PRSS37: variants seen among roughly 807,000 people sequenced by gnomAD.
PRSS37 encodes serine protease 37.
PRSS37 carries 25 observed loss-of-function variants against 28.0 expected under a neutral mutation model. The ratio of observed to expected loss-of-function variants is 0.89; its 90% CI spans 0.65 to 1.25. The LOEUF (loss-of-function observed/expected upper bound fraction) is 1.25, where lower values mean the gene tolerates loss of function less well. Among genes scored for constraint, PRSS37 ranks in the 50% most tolerant of loss-of-function variants. The pLI, the probability that PRSS37 is intolerant of heterozygous loss-of-function variation, is 0.00. For missense variants in PRSS37, 282 were observed against 292.2 expected, an observed-to-expected ratio of 0.97 and a Z score of 0.25; for synonymous variants, 109 against 107.8, an observed-to-expected ratio of 1.01 and a Z score of -0.07.
At chr7:141,840,771 ACACT>A (rs1333766570) in intron 1 of PRSS37, among the ~76,000 whole-genome samples, 1 of 152,026 alleles carries the variant, frequency 6.6e-6, no homozygotes, top group Non-Finnish European at 1.5e-5. Context: ...CGGTGGGAGG[ACACT>A]CACTGTTAAG....
intron 1 of PRSS37, among the ~76,000 whole-genome samples, chr7:141,840,061 G>T (rs1026972197): frequency 1.3e-5 from 2 of 152,022 alleles, no homozygotes; most frequent in Non-Finnish European, 2.9e-5. Flanking sequence ...GAAAATTGTG[G>T]ATATAATCTA....
In PRSS37 at chr7:141,838,120, GGA is replaced by G; in HGVS notation, c.177-9_177-8del. 4 of 1,611,918 alleles carry G rather than the reference GGA, an allele frequency of 2.5e-6. No individual in the cohort carries two copies. In the South Asian group the frequency reaches 4.4e-5, roughly 18 times the overall value. On this transcript the variant is annotated splice_region_variant and splice_polypyrimidine_tract_variant and intron_variant, in intron 2 of 4. Coordinates refer to ENST00000350549, the MANE Select transcript of PRSS37 (RefSeq NM_001008270.3). ...CAGCATCACTTTCAGATTTCTGGAG[GGA>G]GAGGGGTTGGAAGTAATCATCATCA...
intron 3 of PRSS37, 135 bp from the exon 4 acceptor site, chr7:141,837,383 A>G (rs1800997930): frequency 2.5e-6 from 3 of 1,183,954 alleles, no homozygotes; most frequent in Admixed American, 2.8e-5. Flanking sequence ...AAAGGAGAGA[A>G]ATCATCAAGA....
chr7:141,840,864 C>G lies in PRSS37; in HGVS notation c.34+152G>C, dbSNP rs938570843. 5 of 735,198 alleles carry G rather than the reference C, an allele frequency of 6.8e-6. No homozygotes were observed. The African/African-American group carries it at 7.1e-5, about 10-fold the overall frequency. The allele number at this position is 735,198 out of a possible 1,614,324, so 45.5% of individuals were successfully genotyped here. ...AAGTGGGCTCAGCCTATCCGGAGAG[C>G]CTTTGGATGGAGTCTGAGAGGCAGG... On this transcript the variant is annotated intron_variant, in intron 1 of 4. Transcript: ENST00000350549.
rs766452911 is a variant in PRSS37 at position 141,836,512 on chromosome 7, G to C, written c.591C>G (p.Ile197Met). 6.2e-7 allele frequency: 1 copy of C among 1,614,098 alleles called. No individual in the cohort carries two copies. The highest frequency in any genetic ancestry group is 2.2e-5 in the East Asian group (1 of 44,878). The change falls in exon 5 of 5, where the codon ATC becomes ATG. Residue 197 changes from isoleucine to methionine, a missense_variant. By Grantham distance (10) the Ile-to-Met change is conservative. Transcript: ENST00000350549. ...CGATTCCCTGGAGCTTGTCTTTGCA[G>C]ATGACAGTAGCAACGGCCACCTCCT... is the stretch of plus-strand genomic sequence containing the variant. ...IFGEVAVATVICKDKLQGIEV... is the reference protein window; with the variant it reads ...IFGEVAVATVMCKDKLQGIEV...
At chr7:141,838,639 A>G (rs1801052928) in intron 2 of PRSS37, 1 of 250,300 alleles carries the variant, frequency 4.0e-6, no homozygotes, top group Non-Finnish European at 7.6e-6. Context: ...TAACTGGAGG[A>G]AGAAGAGTGA....
chr7:141,838,141 A>G (rs540698290), intron 2 of PRSS37, 28 bp from the exon 3 acceptor site: 41 of 1,596,458 alleles, frequency 2.6e-5, no homozygotes, highest in South Asian at 2.5e-4. Flanking sequence ...GGAAGTAATC[A>G]TCATCATCAT....
chr7:141,841,293 G>T lies in PRSS37; in HGVS notation c.-244C>A. The T allele has an allele frequency of 1.4e-6, 1 of 738,758 alleles. No individual in the cohort carries two copies. The highest frequency in any genetic ancestry group is 1.8e-5 in the African/African-American group (1 of 55,110). The allele number at this position is 738,758 out of a possible 1,614,324, so 45.8% of individuals were successfully genotyped here. ...ACTGTGCCTCTGTTGGGGCATTTCA[G>T]GGAAGGAAACTCCTGGATTCAGCTC... is the stretch of plus-strand genomic sequence containing the variant. On this transcript the variant is annotated 5_prime_UTR_variant, in exon 1 of 5. The change creates a new upstream start codon in the 5' untranslated region. Transcript: ENST00000350549.
chr7:141,839,798 A>T (rs2117271676), intron 1 of PRSS37, among the ~76,000 whole-genome samples: 1 of 152,290 alleles, frequency 6.6e-6, no homozygotes, highest in South Asian at 2.1e-4. Context: ...TAAATTGTTT[A>T]TAACCTGTGA....
At chr7:141,840,923 T>A in intron 1 of PRSS37, 93 bp downstream of exon 1, 1 of 1,292,692 alleles carries the variant, frequency 7.7e-7, no homozygotes, top group East Asian at 2.3e-5. Flanking sequence ...TATTTTTGAC[T>A]CTTTTTCTGC....
intron 2 of PRSS37, chr7:141,838,525 T>A (rs1801049005): frequency 1.1e-6 from 1 of 945,480 alleles, no homozygotes; most frequent in African/African-American, 1.7e-5. Context: ...ACAGTCCTAT[T>A]CCATTCTGCT....
intron 4 of PRSS37, 77 bp from the exon 5 acceptor site, chr7:141,836,612 C>G (rs1050645765): frequency 1.6e-5 from 24 of 1,535,068 alleles, no homozygotes; most frequent in African/African-American, 2.7e-5. Context: ...CCTAGTGTCC[C>G]GCTTGGGTGA....
rs552599483 is a variant in PRSS37, at chr7:141,837,027, C to T, written c.567+85G>A. The stretch of plus-strand genomic sequence containing the variant: ...TCAAATTCTCAAAAAATTATTTAGA[C>T]ATCTAAAATAGTTTTTACATCAAGA... On this transcript the variant is annotated intron_variant, in intron 4 of 4. Coordinates refer to ENST00000350549, the MANE Select transcript of PRSS37 (RefSeq NM_001008270.3). The T allele has an allele frequency of 1.1e-5, 15 of 1,368,278 alleles. No individual in the cohort carries two copies. In the African/African-American group the frequency reaches 1.9e-4, roughly 17 times the overall value. 84.8% of individuals were successfully genotyped at this position (1,368,278 alleles called of 1,614,324 possible).
At position 141,839,364 on chromosome 7, in the gene PRSS37, C is replaced by T. The variant is rs564715202; in HGVS notation, c.150G>A (p.Val50=). The change falls in exon 2 of 5, where the codon GTG becomes GTA. Residue 50 remains valine (V), a synonymous_variant. Coordinates refer to ENST00000350549, the MANE Select transcript of PRSS37 (RefSeq NM_001008270.3). ...CVGVLIKPSW[V]LAPAHCYLPN... ...GTAAATAGCAGTGAGCTGGGGCCAG[C>T]ACCCAGCTGGGTTTGATGAGGACGC... 1.2e-6 allele frequency: 2 copies of T among 1,613,786 alleles called. No individual in the cohort carries two copies. The highest frequency in any genetic ancestry group is 2.7e-5 in the African/African-American group (2 of 75,022).
rs1265054106 is a variant in PRSS37 at position 141,837,967 on chromosome 7, G to T, written c.323C>A (p.Pro108His). The change falls in exon 3 of 5, where the codon CCT becomes CAT. Residue 108 changes from proline to histidine, a missense_variant. Transcript: ENST00000350549. ...CTGGACTTTGGGATTGAGCATGGCA[G>T]GCTTAGCCAGCTTGATGAGCATGAG... is the stretch of plus-strand genomic sequence containing the variant. ...DDLMLIKLAK[P>H]AMLNPKVQPL... 6.2e-7 allele frequency: 1 copy of T among 1,614,134 alleles called. No individual in the cohort carries two copies. The highest frequency in any genetic ancestry group is 8.5e-7 in the Non-Finnish European group (1 of 1,180,020).
Position 141,841,058 on chromosome 7 carries a change from A to G in PRSS37, c.-9T>C, listed in dbSNP as rs1801135468. 6.2e-7 allele frequency: 1 copy of G among 1,613,588 alleles called. No individual in the cohort carries two copies. Among genetic ancestry groups the G allele is most frequent in the Non-Finnish European group, 8.5e-7 (1 of 1,179,644 alleles). The stretch of plus-strand genomic sequence containing the variant: ...TAGAAGACATATTTCATGGTGATCC[A>G]GCTCTTCCCCCTGTGAGATGTAGAA... On this transcript the variant is annotated 5_prime_UTR_variant, in exon 1 of 5. Coordinates refer to ENST00000350549, the MANE Select transcript of PRSS37 (RefSeq NM_001008270.3).
intron 1 of PRSS37, among the ~76,000 whole-genome samples, chr7:141,839,781 A>G (rs965587619): frequency 5.3e-5 from 8 of 152,170 alleles, no homozygotes; most frequent in Admixed American, 1.3e-4. Context: ...ACAGGCATCA[A>G]GAATCATAAA....
chr7:141,840,899 T>A, intron 1 of PRSS37, 117 bp downstream of exon 1: 1 of 1,010,124 alleles, frequency 9.9e-7, no homozygotes, highest in Non-Finnish European at 1.5e-6. Flanking sequence ...GACTCCTAAT[T>A]CTGCTGATGA....
rs184683922 is a variant in PRSS37 at position 141,837,352 on chromosome 7, A to G, written c.431-104T>C. 2.2e-3 allele frequency: 2,971 copies of G among 1,380,380 alleles called. 7 individuals are homozygous for G. The highest frequency in any genetic ancestry group is 2.6e-3 in the Non-Finnish European group (2,632 of 1,015,010). 85.5% of individuals were successfully genotyped at this position (1,380,380 alleles called of 1,614,324 possible). The stretch of plus-strand genomic sequence containing the variant: ...AACTGGTATCTTTTTGTGTGTGTTT[A>G]AAGAAAATAAGGAATGCGACAAAGG... On this transcript the variant is annotated intron_variant, in intron 3 of 4. Transcript: ENST00000350549.
Sources: allele counts gnomAD v4.1 joint callset (sites outside exome capture counted in the v4.1 genomes callset), GRCh38; gene constraint gnomAD v4.1.1; transcripts MANE v1.5; gene names NCBI Gene and HGNC (gene_info 2026-07-23, HGNC 2026-07-21).